DLGAP2: variants seen among roughly 807,000 people sequenced by gnomAD.
The protein encoded by DLGAP2 is disks large-associated protein 2.
A neutral mutation model predicts 100.3 loss-of-function variants in DLGAP2; 26 were observed. The observed-to-expected ratio is 0.26, with a 90% CI of 0.19 to 0.36. The LOEUF (loss-of-function observed/expected upper bound fraction) is 0.36. DLGAP2 is among the 10% of genes least tolerant of loss of function. DLGAP2 has a pLI of 1.00. For missense variants in DLGAP2, 1,858 were observed against 1,453.2 expected (o/e 1.28, Z -4.53); for synonymous variants, 886 against 630.1 (o/e 1.41, Z -6.08).
At chr8:1,558,109 C>T (rs1446304899) in intron 5 of DLGAP2, among the ~76,000 whole-genome samples, 1 of 152,194 alleles carries the variant, frequency 6.6e-6, no homozygotes, top group African/African-American at 2.4e-5. Context: ...GTGTGGCATC[C>T]ACGCATCCTG....
chr8:1,127,858 G>A (rs967436769), intron 2 of DLGAP2, among the ~76,000 whole-genome samples: 3 of 152,216 alleles, frequency 2.0e-5, no homozygotes, highest in Non-Finnish European at 4.4e-5. Context: ...GTCATTCGAG[G>A]CTTGGTATAA....
At chr8:791,037 C>T (rs1260939269) in intron 1 of DLGAP2, among the ~76,000 whole-genome samples, 1 of 152,176 alleles carries the variant, frequency 6.6e-6, no homozygotes, top group Non-Finnish European at 1.5e-5. Context: ...GCCACCACGC[C>T]CGGACCAACA....
rs1801637061 is a variant in DLGAP2 at position 1,548,685 on chromosome 8, C to G, written c.232C>G (p.Pro78Ala). The change falls in exon 5 of 15, where the codon CCC becomes GCC. Residue 78 changes from proline to alanine, a missense_variant. Transcript: ENST00000637795. ...CAATGAGGAGCGCTACTCGCCCGCG[C>G]CCAGGAGCATGAAGGGCCTTTCCGG... ...HFNEERYSPAPRSMKGLSGSR... is the reference protein window; with the variant it reads ...HFNEERYSPAARSMKGLSGSR... 1 of 1,604,286 alleles carries G rather than the reference C, an allele frequency of 6.2e-7. No homozygotes were observed. The highest frequency in any genetic ancestry group is 2.2e-5 in the East Asian group (1 of 44,656).
At chr8:1,410,851 T>TA (rs1298338821) in intron 3 of DLGAP2, among the ~76,000 whole-genome samples, 13 of 144,908 alleles carry the variant, frequency 9.0e-5, no homozygotes, top group Admixed American at 3.4e-4. Flanking sequence ...TTTTTTTTTT[T>TA]AAACTTCCTT....
chr8:866,141 G>A (rs976783506), intron 1 of DLGAP2, among the ~76,000 whole-genome samples: 1 of 152,092 alleles, frequency 6.6e-6, no homozygotes, highest in African/African-American at 2.4e-5. Context: ...TGTGTGTCCT[G>A]CAGCACGGTT....
Position 1,666,063 on chromosome 8 carries a change from G to A in DLGAP2, c.1811-2266G>A, listed in dbSNP as rs1468159175. Among the ~76,000 whole-genome samples the A allele has an allele frequency of 3.9e-5, 6 of 152,254 alleles. No homozygotes were observed. In the South Asian group the frequency reaches 1.0e-3, roughly 26 times the overall value. ...GAGATGAATGTGCAGTCCCCAACGCGTCCCACCCGGAAAAACGAAATATTT... is the reference window on the plus strand; with the variant it reads ...GAGATGAATGTGCAGTCCCCAACGCATCCCACCCGGAAAAACGAAATATTT... On this transcript the variant is annotated intron_variant, in intron 8 of 14. Coordinates refer to ENST00000637795, the MANE Select transcript of DLGAP2 (RefSeq NM_001346810.2).
chr8:1,214,104 G>A (rs1373974151), intron 2 of DLGAP2, among the ~76,000 whole-genome samples: 1 of 152,140 alleles, frequency 6.6e-6, no homozygotes, highest in Admixed American at 6.6e-5. Flanking sequence ...CCTCCCCAGG[G>A]GGCCTTGCGT....
At chr8:1,037,369 C>T (rs1802159763) in intron 2 of DLGAP2, among the ~76,000 whole-genome samples, 1 of 152,150 alleles carries the variant, frequency 6.6e-6, no homozygotes. Context: ...GCTGTTCCGC[C>T]TCGGGCCCAG....
chr8:1,379,943 C>A (rs1302913333), intron 3 of DLGAP2, among the ~76,000 whole-genome samples: 5 of 150,962 alleles, frequency 3.3e-5, no homozygotes, highest in Admixed American at 6.6e-5. Context: ...TCCCTTCCCT[C>A]CCCTCCTGCT....
At chr8:1,091,654 T>A (rs535779881) in intron 2 of DLGAP2, among the ~76,000 whole-genome samples, 1 of 152,186 alleles carries the variant, frequency 6.6e-6, no homozygotes, top group Non-Finnish European at 1.5e-5. Flanking sequence ...TGCATCATGA[T>A]GCCGGATGCT....
intron 3 of DLGAP2, among the ~76,000 whole-genome samples, chr8:1,450,445 C>T (rs1307403358): frequency 3.8e-4 from 50 of 130,138 alleles, no homozygotes; most frequent in Non-Finnish European, 5.6e-4. Context: ...AGGTGGGCGG[C>T]CTCGGTGGCT....
At chr8:1,120,109 G>A (rs1373976753) in intron 2 of DLGAP2, among the ~76,000 whole-genome samples, 3 of 152,112 alleles carry the variant, frequency 2.0e-5, no homozygotes, top group Admixed American at 6.5e-5. Context: ...AAACATCTTT[G>A]CAGGTCCCAT....
chr8:1,594,970 C>G (rs746804480), intron 6 of DLGAP2, among the ~76,000 whole-genome samples: 2 of 152,156 alleles, frequency 1.3e-5, no homozygotes, highest in Non-Finnish European at 2.9e-5. Flanking sequence ...ACTCCACTAA[C>G]TGGCCTCCCG....
chr8:1,237,850 G>T (rs1585179147), intron 2 of DLGAP2, among the ~76,000 whole-genome samples: 1 of 10,950 alleles, frequency 9.1e-5, no homozygotes. Context: ...ATGGCGCCAT[G>T]TCTAGTTCTC....
At chr8:1,679,032 A>G (rs896603474) in intron 12 of DLGAP2, 1 of 169,052 alleles carries the variant, frequency 5.9e-6, no homozygotes, top group Non-Finnish European at 1.3e-5. Flanking sequence ...ATTATGCCAA[A>G]GAGAAGTCGA....
At chr8:1,602,923 A>G (rs2956948) in intron 6 of DLGAP2, among the ~76,000 whole-genome samples, 117,041 of 152,154 alleles carry the variant, frequency 0.77, 45,196 homozygotes, top group East Asian at 0.92. Context: ...CCGCGAGGGA[A>G]AATTCAACAG....
At chr8:1,321,858 T>C (rs111954977) in intron 3 of DLGAP2, among the ~76,000 whole-genome samples, 49 of 152,366 alleles carry the variant, frequency 3.2e-4, no homozygotes, top group African/African-American at 1.1e-3. Context: ...CCTTTCTTTG[T>C]TTCCAATTAG....
chr8:912,003 C>A (rs1372892441), intron 2 of DLGAP2, among the ~76,000 whole-genome samples: 2 of 152,212 alleles, frequency 1.3e-5, no homozygotes, highest in Non-Finnish European at 2.9e-5. Context: ...AAGCATAATA[C>A]ATTCTTTTCT....
At chr8:1,138,607 G>A (rs888597422) in intron 2 of DLGAP2, among the ~76,000 whole-genome samples, 3 of 152,368 alleles carry the variant, frequency 2.0e-5, no homozygotes, top group South Asian at 2.1e-4. Context: ...ATAAAGTGCC[G>A]AGTGACATTC....
Sources: gnomAD v4.1 joint callset for allele counts (sites outside exome capture counted in the v4.1 genomes callset) on GRCh38, gnomAD v4.1.1 for gene constraint, MANE v1.5 for transcripts, NCBI Gene and HGNC (gene_info 2026-07-23, HGNC 2026-07-21) for gene names.